The following DLG2 variants were observed in gnomAD, a reference collection of about 807,000 sequenced individuals.
DLG2 encodes discs large MAGUK scaffold protein 2, also known as disks large homolog 2.
In DLG2, 45 loss-of-function variants were observed where a neutral mutation model predicts 132.5. That is an observed-to-expected ratio of 0.34 (90% CI 0.27 to 0.44). The LOEUF (loss-of-function observed/expected upper bound fraction) is 0.44, where lower values mean the gene tolerates loss of function less well. DLG2 is among the 20% of genes least tolerant of loss of function. The probability of loss-of-function intolerance (pLI) is 1.00; values close to 1 mark genes in which losing one functional copy is unlikely to be tolerated. For synonymous variants in DLG2, 424 were observed against 419.6 expected (o/e 1.01, Z -0.13); for missense variants, 1,045 against 1,196.9 (o/e 0.87, Z 1.87).
chr11:84,679,741 C>A (rs1477488666), intron 6 of DLG2, among the ~76,000 whole-genome samples: 1 of 151,968 alleles, frequency 6.6e-6, no homozygotes, highest in African/African-American at 2.4e-5. Context: ...CGATTGTGAG[C>A]CTTATTTTAT....
rs75013805 is a variant in DLG2 at position 84,912,910 on chromosome 11, A to G, written c.357+198751T>C. 6.8e-4 allele frequency among the ~76,000 whole-genome samples: 103 copies of G among 152,362 alleles called. 1 individual carries two copies. In the East Asian group the frequency reaches 0.019, roughly 29 times the overall value. ...CAGTTCTTATCTGTATTTAACAAAA[A>G]TAAGTCTGGTGCCAATATGGGGAGG... On this transcript the variant is annotated intron_variant, in intron 6 of 27. Transcript: ENST00000376104.
chr11:85,475,134 T>C (rs2093101738), intron 3 of DLG2, among the ~76,000 whole-genome samples: 1 of 151,752 alleles, frequency 6.6e-6, no homozygotes, highest in Admixed American at 6.6e-5. Flanking sequence ...GCAAACTTTT[T>C]AAACTTAACC....
intron 7 of DLG2, among the ~76,000 whole-genome samples, chr11:84,279,303 AAAC>A (rs1419744799): frequency 1.3e-5 from 2 of 152,196 alleles, no homozygotes; most frequent in African/African-American, 2.4e-5. Flanking sequence ...ATTAAAAAGG[AAAC>A]AACAGATGCT....
At chr11:85,102,331 C>T (rs979164147) in intron 6 of DLG2, among the ~76,000 whole-genome samples, 1 of 151,898 alleles carries the variant, frequency 6.6e-6, no homozygotes, top group African/African-American at 2.4e-5. Flanking sequence ...CCCTATTCAA[C>T]CCAGAGTAAA....
chr11:85,061,312 A>G (rs2064109355), intron 6 of DLG2, among the ~76,000 whole-genome samples: 1 of 128,002 alleles, frequency 7.8e-6, no homozygotes, highest in Non-Finnish European at 1.6e-5. Context: ...TTCTGACTTC[A>G]CTCTTTCTGC....
At chr11:84,087,840 G>T (rs1460860152) in intron 10 of DLG2, among the ~76,000 whole-genome samples, 2 of 152,210 alleles carry the variant, frequency 1.3e-5, no homozygotes, top group African/African-American at 4.8e-5. Flanking sequence ...GTTTATCTCA[G>T]TGAGTCTGAT....
At chr11:83,777,866 A>C (rs143026263) in intron 18 of DLG2, among the ~76,000 whole-genome samples, 8 of 152,320 alleles carry the variant, frequency 5.3e-5, no homozygotes, top group African/African-American at 1.9e-4. Context: ...ATCAGAAGAC[A>C]CAATAAACTA....
chr11:83,804,340 T>A (rs1280051160), intron 17 of DLG2, among the ~76,000 whole-genome samples: 1 of 152,106 alleles, frequency 6.6e-6, no homozygotes, highest in Non-Finnish European at 1.5e-5. Flanking sequence ...CTTCAAAATA[T>A]CTGTTGCTTT....
At chr11:83,862,851 A>C (rs1001549485) in intron 16 of DLG2, among the ~76,000 whole-genome samples, 4 of 152,188 alleles carry the variant, frequency 2.6e-5, no homozygotes, top group African/African-American at 4.8e-5. Context: ...AGGTCATAGT[A>C]GAAGCAGGAA....
chr11:83,641,097 AAAAAGCACC>A (rs2153480527), intron 18 of DLG2, among the ~76,000 whole-genome samples: 1 of 152,324 alleles, frequency 6.6e-6, no homozygotes, highest in Admixed American at 6.5e-5. Context: ...TATCGATTTT[AAAAAGCACC>A]ATCAATGAAT....
intron 7 of DLG2, among the ~76,000 whole-genome samples, chr11:84,293,190 C>A (rs867918120): frequency 6.6e-6 from 1 of 151,808 alleles, no homozygotes; most frequent in African/African-American, 2.4e-5. Flanking sequence ...AGTATTCTGG[C>A]AGCTTTAGGT....
chr11:85,094,003 T>C (rs1420883485), intron 6 of DLG2, among the ~76,000 whole-genome samples: 1 of 152,234 alleles, frequency 6.6e-6, no homozygotes, highest in Non-Finnish European at 1.5e-5. Flanking sequence ...GATGCAGCTA[T>C]CCTGCATACA....
intron 6 of DLG2, among the ~76,000 whole-genome samples, chr11:84,891,539 G>C (rs1166914685): frequency 6.6e-6 from 1 of 151,440 alleles, no homozygotes; most frequent in African/African-American, 2.4e-5. Flanking sequence ...GAATGAAGAG[G>C]GTTTCATCAG....
rs558686237 is a variant in DLG2, at chr11:85,405,432, C to T, written c.41-120067G>A. Among the ~76,000 whole-genome samples, 453 of 151,974 alleles carry T rather than the reference C, an allele frequency of 3.0e-3. 1 individual carries two copies. Among genetic ancestry groups the T allele is most frequent in the Non-Finnish European group, 5.0e-3 (339 of 67,910 alleles). On this transcript the variant is annotated intron_variant, in intron 3 of 27. Transcript: ENST00000376104. ...TAAAGACCTAAAAATCACTAAAGAA[C>T]ATAACAGAAAATCAAGGTTTACATG...
Position 83,814,112 on chromosome 11 carries a change from A to G in DLG2, c.1722+19502T>C, listed in dbSNP as rs556022132. Among the ~76,000 whole-genome samples, 27 of 152,278 alleles carry G rather than the reference A, an allele frequency of 1.8e-4. No individual in the cohort carries two copies. In the South Asian group the frequency reaches 5.6e-3, roughly 32 times the overall value. ...TCAGACCAAAAAAATATTAGAACGTATTTAAAAGAATCAGGATTTCTATAA... is the reference window on the plus strand; with the variant it reads ...TCAGACCAAAAAAATATTAGAACGTGTTTAAAAGAATCAGGATTTCTATAA... On this transcript the variant is annotated intron_variant, in intron 17 of 27. Transcript: ENST00000376104.
At chr11:83,777,066 C>G (rs2094609995) in intron 18 of DLG2, among the ~76,000 whole-genome samples, 2 of 152,170 alleles carry the variant, frequency 1.3e-5, no homozygotes, top group Non-Finnish European at 2.9e-5. Context: ...ACCATTGTAT[C>G]TCCAGAGTGC....
chr11:84,238,215 A>C (rs892256617), intron 8 of DLG2, among the ~76,000 whole-genome samples: 1 of 151,964 alleles, frequency 6.6e-6, no homozygotes, highest in Non-Finnish European at 1.5e-5. Context: ...TCAAAAAGTC[A>C]ATTTAAAAGC....
At chr11:83,877,805 T>C (rs923296291) in intron 15 of DLG2, among the ~76,000 whole-genome samples, 1 of 152,206 alleles carries the variant, frequency 6.6e-6, no homozygotes, top group African/African-American at 2.4e-5. Context: ...AATATAATAG[T>C]AATGTCCAAG....
intron 7 of DLG2, among the ~76,000 whole-genome samples, chr11:84,321,854 C>G (rs2098406602): frequency 6.6e-6 from 1 of 152,176 alleles, no homozygotes; most frequent in Non-Finnish European, 1.5e-5. Flanking sequence ...CATATCATCA[C>G]CTCCTCAAGA....
Sources: gnomAD v4.1 joint callset for allele counts (sites outside exome capture counted in the v4.1 genomes callset) on GRCh38, gnomAD v4.1.1 for gene constraint, MANE v1.5 for transcripts, NCBI Gene and HGNC (gene_info 2026-07-23, HGNC 2026-07-21) for gene names.